The following UBE2R2 variants were observed in gnomAD, a reference collection of about 807,000 sequenced individuals.
UBE2R2 encodes ubiquitin conjugating enzyme E2 R2.
A neutral mutation model predicts 27.8 loss-of-function variants in UBE2R2; 1 was observed. The observed-to-expected ratio is 0.04, with a 90% CI of 0.01 to 0.17. UBE2R2 has a LOEUF of 0.17. Ranked by LOEUF, UBE2R2 falls within the 10% of genes least tolerant of loss-of-function variation. The pLI, the probability that UBE2R2 is intolerant of heterozygous loss-of-function variation, is 1.00. For missense variants in UBE2R2, 100 were observed against 291.0 expected (o/e 0.34, Z 4.78); for synonymous variants, 106 against 113.3 (o/e 0.94, Z 0.41).
At chr9:33,915,781 C>G (rs973397093) in intron 4 of UBE2R2, among the ~76,000 whole-genome samples, 20 of 152,050 alleles carry the variant, frequency 1.3e-4, no homozygotes, top group South Asian at 4.2e-4. Context: ...GAAGAGTGAG[C>G]AAGCAAAAAA....
chr9:33,845,612 G>C (rs1438138564), intron 1 of UBE2R2, among the ~76,000 whole-genome samples: 1 of 152,152 alleles, frequency 6.6e-6, no homozygotes, highest in East Asian at 1.9e-4. Context: ...TCATTAGTAA[G>C]TGGTTCTTGA....
chr9:33,863,437 G>T (rs754373224), intron 1 of UBE2R2, among the ~76,000 whole-genome samples: 2 of 151,824 alleles, frequency 1.3e-5, no homozygotes, highest in Admixed American at 1.3e-4. Context: ...GCCTGAACCC[G>T]GGAGGCAGAG....
chr9:33,858,810 G>GT (rs1554673525), intron 1 of UBE2R2, among the ~76,000 whole-genome samples: 2 of 151,492 alleles, frequency 1.3e-5, no homozygotes, highest in African/African-American at 2.4e-5. Flanking sequence ...TTATGGAGGA[G>GT]TTTGTTTTGT....
chr9:33,847,895 G>A (rs1429550632), intron 1 of UBE2R2, among the ~76,000 whole-genome samples: 1 of 151,886 alleles, frequency 6.6e-6, no homozygotes, highest in Admixed American at 6.6e-5. Context: ...GGGATTACAG[G>A]CATGTGCCAC....
intron 1 of UBE2R2, among the ~76,000 whole-genome samples, chr9:33,863,084 A>C (rs1296661079): frequency 1.3e-5 from 2 of 151,498 alleles, no homozygotes; most frequent in African/African-American, 4.9e-5. Flanking sequence ...GCTACTCAGG[A>C]GGCTGAGGCA....
rs1351518712 is a variant in UBE2R2, at chr9:33,919,701, C to T, written c.*2464C>T. 4 of 151,502 alleles carry T rather than the reference C, an allele frequency of 2.6e-5. No individual in the cohort carries two copies. Among genetic ancestry groups the T allele is most frequent in the African/African-American group, 9.8e-5 (4 of 41,004 alleles). The allele number at this position is 151,502 out of a possible 1,614,324, so 9.4% of individuals were successfully genotyped here. A position where few individuals can be genotyped will look rare whatever the true frequency, so the allele number is the denominator to read the frequency against. Reference sequence around the variant, plus strand: ...GAGCTCTGTCCCTGAGAACACATCCCTGTGGAAAATACTTGAGTTTGTAAT... The same window carrying T: ...GAGCTCTGTCCCTGAGAACACATCCTTGTGGAAAATACTTGAGTTTGTAAT... On this transcript the variant is annotated 3_prime_UTR_variant, in exon 5 of 5. Transcript: ENST00000263228.
chr9:33,915,923 G>C (rs1822630100), intron 4 of UBE2R2, among the ~76,000 whole-genome samples: 1 of 152,192 alleles, frequency 6.6e-6, no homozygotes, highest in Non-Finnish European at 1.5e-5. Flanking sequence ...TGAGTGACAG[G>C]AAGGAGCCAG....
chr9:33,840,695 A>C (rs1820714332), intron 1 of UBE2R2, among the ~76,000 whole-genome samples: 1 of 151,986 alleles, frequency 6.6e-6, no homozygotes, highest in African/African-American at 2.4e-5. Context: ...TTAATTTATC[A>C]ATGGTTTAAA....
chr9:33,861,931 G>GCAAC (rs1821247945), intron 1 of UBE2R2, among the ~76,000 whole-genome samples: 3 of 147,546 alleles, frequency 2.0e-5, no homozygotes, highest in Admixed American at 6.9e-5. Flanking sequence ...TTGGCTCAGT[G>GCAAC]CAACCTCTGC....
chr9:33,853,774 A>ATTT (rs749498528), intron 1 of UBE2R2, among the ~76,000 whole-genome samples: 45 of 112,242 alleles, frequency 4.0e-4, no homozygotes, highest in Non-Finnish European at 6.3e-4. Flanking sequence ...CTTCCTTCCA[A>ATTT]TTTTTTTTTT....
chr9:33,874,733 A>T (rs1322604928), intron 1 of UBE2R2, among the ~76,000 whole-genome samples: 4 of 152,044 alleles, frequency 2.6e-5, no homozygotes, highest in African/African-American at 9.7e-5. Flanking sequence ...GTGCAATGTC[A>T]GGATCATAGC....
At chr9:33,878,550 G>A (rs1821664904) in intron 1 of UBE2R2, among the ~76,000 whole-genome samples, 1 of 152,088 alleles carries the variant, frequency 6.6e-6, no homozygotes, top group Non-Finnish European at 1.5e-5. Flanking sequence ...TCTCGGAGAT[G>A]GAGGTTGCTA....
intron 2 of UBE2R2, among the ~76,000 whole-genome samples, chr9:33,898,537 A>C (rs113096668): frequency 6.6e-5 from 10 of 152,094 alleles, no homozygotes; most frequent in African/African-American, 2.4e-4. Flanking sequence ...ATGTGTCTAA[A>C]TTTGGGTTGT....
chr9:33,889,566 T>C (rs1252085322), intron 2 of UBE2R2, among the ~76,000 whole-genome samples: 2 of 152,036 alleles, frequency 1.3e-5, no homozygotes, highest in African/African-American at 4.8e-5. Context: ...ATTCAGACCA[T>C]AACAATGTCC....
chr9:33,838,115 T>G (rs547941540), intron 1 of UBE2R2, among the ~76,000 whole-genome samples: 1 of 151,922 alleles, frequency 6.6e-6, no homozygotes, highest in Admixed American at 6.6e-5. Context: ...GATATAGTAT[T>G]TACATTTAAC....
intron 1 of UBE2R2, among the ~76,000 whole-genome samples, chr9:33,838,108 A>G (rs953169895): frequency 1.1e-4 from 16 of 151,846 alleles, no homozygotes; most frequent in Admixed American, 6.6e-4. Context: ...ATAAAATGAT[A>G]TAGTATTTAC....
At chr9:33,874,046 C>T (rs146160570) in intron 1 of UBE2R2, among the ~76,000 whole-genome samples, 2,742 of 151,396 alleles carry the variant, frequency 0.018, 83 homozygotes, top group African/African-American at 0.062. Context: ...TTCCCGAGTT[C>T]AAGCAATTCT....
At chr9:33,844,515 A>AT (rs34578523) in intron 1 of UBE2R2, among the ~76,000 whole-genome samples, 45,822 of 109,640 alleles carry the variant, frequency 0.42, 9,359 homozygotes, top group East Asian at 0.56. Flanking sequence ...TCCCACATCT[A>AT]TTTTTTTTTT....
chr9:33,875,646 C>T (rs996899727), intron 1 of UBE2R2, among the ~76,000 whole-genome samples: 3 of 152,042 alleles, frequency 2.0e-5, no homozygotes, highest in African/African-American at 7.2e-5. Flanking sequence ...ATGATAACTC[C>T]CTAGGGTCAG....
Sources: gnomAD v4.1 joint callset for allele counts (sites outside exome capture counted in the v4.1 genomes callset) on GRCh38, gnomAD v4.1.1 for gene constraint, MANE v1.5 for transcripts, NCBI Gene and HGNC (gene_info 2026-07-23, HGNC 2026-07-21) for gene names.